CCDC93: variants seen among roughly 807,000 people sequenced by gnomAD.
CCDC93 encodes the protein CCC complex scaffolding subunit CCDC93, also known as coiled-coil domain-containing protein 93.
In CCDC93, 61 loss-of-function variants were observed where a neutral mutation model predicts 108.2. That is an observed-to-expected ratio of 0.56 (90% CI 0.46 to 0.70). CCDC93 has a LOEUF of 0.70. Ranked by LOEUF, CCDC93 falls within the 30% of genes least tolerant of loss-of-function variation. CCDC93 has a pLI of 0.00. For synonymous variants in CCDC93, 276 were observed against 260.4 expected (o/e 1.06, Z -0.58); for missense variants, 685 against 764.2 (o/e 0.90, Z 1.22).
chr2:117,942,454 T>C (rs763072058), intron 18 of CCDC93, among the ~76,000 whole-genome samples: 2 of 152,118 alleles, frequency 1.3e-5, no homozygotes, highest in Non-Finnish European at 2.9e-5. Context: ...AACTAGGCTC[T>C]CCCCAGTGCC....
chr2:118,012,273 CAA>C (rs34723469), intron 1 of CCDC93, among the ~76,000 whole-genome samples: 78 of 133,070 alleles, frequency 5.9e-4, no homozygotes, highest in Middle Eastern at 4.1e-3. Flanking sequence ...GACTCTGTCT[CAA>C]AAAAAAAAAA....
rs1677091520 is a variant in CCDC93 at position 118,013,978 on chromosome 2, C to T, written c.18G>A (p.Gly6=). Residue 6 remains glycine (G), a synonymous_variant, in exon 1 of 24, where the codon GGG becomes GGA. Transcript: ENST00000376300. ...CCTCCGGGAGACCCTGGCCCTCCGG[C>T]CCCCTGGGCAACCCCATGATCCGAC... MGLPR[G]PEGQGLPEVE... 6.3e-7 allele frequency: 1 copy of T among 1,594,534 alleles called. No individual in the cohort carries two copies. The highest frequency in any genetic ancestry group is 8.5e-7 in the Non-Finnish European group (1 of 1,172,026).
Position 117,975,274 on chromosome 2 carries a change from C to T in CCDC93, c.664G>A (p.Asp222Asn). The change falls in exon 9 of 24, where the codon GAC becomes AAC. Residue 222 changes from aspartate to asparagine, a missense_variant. Coordinates refer to ENST00000376300, the MANE Select transcript of CCDC93 (RefSeq NM_019044.5). ...SRQSKMEKAE[D>N]KKTALPAGLS... is the part of the protein sequence containing the mutation. ...CCTGCTGGAAGTGCCGTTTTCTTGT[C>T]CTCAGCCTGCAAGGGAAGATGTGAA... is the stretch of plus-strand genomic sequence containing the variant. The T allele has an allele frequency of 6.2e-7, 1 of 1,612,288 alleles. No homozygotes were observed. The highest frequency in any genetic ancestry group is 8.5e-7 in the Non-Finnish European group (1 of 1,179,462).
chr2:117,932,241 A>C (rs1318078671), intron 22 of CCDC93, among the ~76,000 whole-genome samples: 1 of 152,214 alleles, frequency 6.6e-6, no homozygotes, highest in Non-Finnish European at 1.5e-5. Flanking sequence ...GCCGGTGCTC[A>C]AAAGCTTGTT....
chr2:118,002,693 C>G (rs1391404793), intron 3 of CCDC93, among the ~76,000 whole-genome samples: 15 of 152,108 alleles, frequency 9.9e-5, no homozygotes, highest in Admixed American at 9.8e-4. Context: ...GCCTCTTCCC[C>G]CTCACCCTTC....
At chr2:117,976,562 A>G (rs1169413950) in intron 8 of CCDC93, among the ~76,000 whole-genome samples, 4 of 152,242 alleles carry the variant, frequency 2.6e-5, no homozygotes, top group Non-Finnish European at 4.4e-5. Context: ...TGTTTATTAA[A>G]TGTTTACTAT....
intron 23 of CCDC93, chr2:117,921,761 A>G (rs1189989334): frequency 6.6e-6 from 1 of 151,934 alleles, no homozygotes; most frequent in Non-Finnish European, 1.5e-5. Flanking sequence ...TGCTAAGACT[A>G]GTGCTGGCTC....
intron 10 of CCDC93, 49 bp from the exon 11 acceptor site, chr2:117,974,043 T>C (rs202116542): frequency 2.6e-4 from 318 of 1,219,470 alleles, no homozygotes; most frequent in Non-Finnish European, 2.5e-4. Context: ...TTGTCTTCCA[T>C]AGCACTGGAA....
chr2:117,974,482 G>A lies in CCDC93; in HGVS notation c.801+368C>T, dbSNP rs375647721. Among the ~76,000 whole-genome samples the A allele has an allele frequency of 1.3e-4, 20 of 152,280 alleles. No homozygotes were observed. In the East Asian group the frequency reaches 3.3e-3, roughly 25 times the overall value. ...CTGGACAGGCTTTGAGCTCTGGAAA[G>A]ACCAACTATAATCTCAAAATCCCGC... On this transcript the variant is annotated intron_variant, in intron 10 of 23. Transcript: ENST00000376300.
intron 13 of CCDC93, chr2:117,950,936 A>G (rs1392404675): frequency 1.0e-6 from 1 of 985,440 alleles, no homozygotes; most frequent in East Asian, 1.1e-4. Flanking sequence ...CAGGAATGAT[A>G]TGCCCAGAGC....
chr2:117,964,335 T>C (rs1253743870), intron 11 of CCDC93, among the ~76,000 whole-genome samples: 1 of 152,186 alleles, frequency 6.6e-6, no homozygotes, highest in Non-Finnish European at 1.5e-5. Context: ...ATGCCTAAAT[T>C]GTGTCACAGA....
At chr2:117,962,455 C>T (rs1382605381) in intron 11 of CCDC93, among the ~76,000 whole-genome samples, 1 of 80,394 alleles carries the variant, frequency 1.2e-5, no homozygotes, top group Admixed American at 1.6e-4. Context: ...ACCAGCCTAG[C>T]CAACATGGTG....
At chr2:117,947,994 A>G (rs10186396) in intron 15 of CCDC93, 111 bp downstream of exon 15, 866,433 of 872,816 alleles carry the variant, frequency 0.99, 430,322 homozygotes, top group East Asian at 1. Context: ...GCGCCTGGCC[A>G]AATCTGCTTT....
At chr2:118,003,900 C>A (rs571803273) in intron 3 of CCDC93, among the ~76,000 whole-genome samples, 1 of 152,134 alleles carries the variant, frequency 6.6e-6, no homozygotes, top group Non-Finnish European at 1.5e-5. Context: ...CTTCTACCTG[C>A]GGCTCTAGGT....
At chr2:117,923,636 G>A (rs948567570) in intron 23 of CCDC93, among the ~76,000 whole-genome samples, 4 of 152,256 alleles carry the variant, frequency 2.6e-5, no homozygotes, top group Middle Eastern at 3.4e-3. Context: ...ACTGGGTGGA[G>A]CTCACCGCAG....
At position 117,920,247 on chromosome 2, in the gene CCDC93, T is replaced by G. The variant is rs1396732379; in HGVS notation, c.*96A>C. ...TTGTTGAAATCATCACAACTGCATC[T>G]CTCTACTGTCGCTTTCAGAACCATT... On this transcript the variant is annotated 3_prime_UTR_variant, in exon 24 of 24. Transcript: ENST00000376300. 1 of 752,684 alleles carries G rather than the reference T, an allele frequency of 1.3e-6. No homozygotes were observed. The highest frequency in any genetic ancestry group is 2.2e-6 in the Non-Finnish European group (1 of 446,618). 46.6% of individuals were successfully genotyped at this position (752,684 alleles called of 1,614,324 possible). A position where few individuals can be genotyped will look rare whatever the true frequency, so the allele number is the denominator to read the frequency against.
chr2:117,980,269 T>C (rs552845937), intron 7 of CCDC93, among the ~76,000 whole-genome samples: 25 of 152,352 alleles, frequency 1.6e-4, no homozygotes, highest in African/African-American at 5.8e-4. Context: ...GGGAGGGTAC[T>C]GTTTTTTCAA....
chr2:117,934,114 C>CA (rs1287745073), intron 22 of CCDC93: 1 of 152,226 alleles, frequency 6.6e-6, no homozygotes, highest in Non-Finnish European at 1.5e-5. Flanking sequence ...GGCTCATAGT[C>CA]AACAACAGGA....
chr2:117,945,057 C>G (rs1678823631), intron 17 of CCDC93, among the ~76,000 whole-genome samples: 1 of 152,214 alleles, frequency 6.6e-6, no homozygotes, highest in Non-Finnish European at 1.5e-5. Context: ...CATGTCCATT[C>G]ATTTACAGAT....
Sources: allele counts gnomAD v4.1 joint callset (sites outside exome capture counted in the v4.1 genomes callset), GRCh38; gene constraint gnomAD v4.1.1; transcripts MANE v1.5; gene names NCBI Gene and HGNC (gene_info 2026-07-23, HGNC 2026-07-21).